NOL4: variants seen among roughly 807,000 people sequenced by gnomAD.
The protein encoded by NOL4 is nucleolar protein 4.
NOL4 carries 17 observed loss-of-function variants against 75.9 expected under a neutral mutation model. The ratio of observed to expected loss-of-function variants is 0.22; its 90% CI spans 0.15 to 0.34. NOL4 has a LOEUF of 0.34. Ranked by LOEUF, NOL4 falls within the 10% of genes least tolerant of loss-of-function variation. The pLI, the probability that NOL4 is intolerant of heterozygous loss-of-function variation, is 1.00. For missense variants in NOL4, 614 were observed against 793.5 expected, an observed-to-expected ratio of 0.77 and a Z score of 2.72; for synonymous variants, 292 against 289.9, an observed-to-expected ratio of 1.01 and a Z score of -0.07.
intron 1 of NOL4, among the ~76,000 whole-genome samples, chr18:34,206,505 T>TA (rs1490365560): frequency 2.0e-5 from 3 of 152,112 alleles, no homozygotes; most frequent in Admixed American, 6.5e-5. Flanking sequence ...ACCTGTTTTC[T>TA]AAAAAAATGT....
intron 1 of NOL4, among the ~76,000 whole-genome samples, chr18:34,196,574 G>A (rs1480668190): frequency 6.6e-6 from 1 of 152,044 alleles, no homozygotes; most frequent in African/African-American, 2.4e-5. Flanking sequence ...GGGATTTGGG[G>A]GCCCTCAAGC....
chr18:34,147,823 T>C (rs745873378), intron 1 of NOL4, among the ~76,000 whole-genome samples: 8 of 152,106 alleles, frequency 5.3e-5, no homozygotes, highest in Non-Finnish European at 8.8e-5. Context: ...CTGGAAGAAT[T>C]TGGCTGTGAA....
At chr18:34,196,038 C>T (rs1422025157) in intron 1 of NOL4, among the ~76,000 whole-genome samples, 8 of 152,124 alleles carry the variant, frequency 5.3e-5, no homozygotes, top group Middle Eastern at 6.8e-3. Flanking sequence ...TAATAAATCT[C>T]ATTTTCTGAC....
chr18:33,909,543 A>C (rs948906308), intron 9 of NOL4, among the ~76,000 whole-genome samples: 1 of 152,144 alleles, frequency 6.6e-6, no homozygotes, highest in Non-Finnish European at 1.5e-5. Context: ...TCCTGATCTT[A>C]ATTAATGATG....
At chr18:34,211,582 T>C (rs1417473653) in intron 1 of NOL4, among the ~76,000 whole-genome samples, 1 of 152,210 alleles carries the variant, frequency 6.6e-6, no homozygotes, top group African/African-American at 2.4e-5. Context: ...TGAGAACCAA[T>C]AAGGTTGTTC....
chr18:34,187,540 C>A (rs1600829241), intron 1 of NOL4, among the ~76,000 whole-genome samples: 1 of 152,050 alleles, frequency 6.6e-6, no homozygotes, highest in Non-Finnish European at 1.5e-5. Context: ...GCGCCCGCCA[C>A]CACACTCGGC....
chr18:33,868,203 C>T (rs1362442056), intron 10 of NOL4, among the ~76,000 whole-genome samples: 2 of 147,640 alleles, frequency 1.4e-5, no homozygotes, highest in Non-Finnish European at 3.0e-5. Flanking sequence ...CACCTGGGCA[C>T]CTGGGTAATT....
At chr18:34,128,965 G>T in intron 2 of NOL4, 2 of 431,822 alleles carry the variant, frequency 4.6e-6, no homozygotes, top group Non-Finnish European at 6.2e-6. Context: ...GTAGCCAAAA[G>T]CAAAATTCAA....
Position 33,945,755 on chromosome 18 carries a change from G to A in NOL4, c.1429-2577C>T, listed in dbSNP as rs529339845. On this transcript the variant is annotated intron_variant, in intron 8 of 10. Coordinates refer to ENST00000261592, the MANE Select transcript of NOL4 (RefSeq NM_003787.5). ...AAAGATGCATGATTCAATACTTCCC[G>A]TAGATAAACAGTATAATTTTGAAAA... 5.3e-4 allele frequency among the ~76,000 whole-genome samples: 81 copies of A among 151,820 alleles called. No individual in the cohort carries two copies. In the South Asian group the frequency reaches 0.012, roughly 23 times the overall value.
intron 10 of NOL4, among the ~76,000 whole-genome samples, chr18:33,879,932 T>C (rs992274413): frequency 3.3e-5 from 5 of 152,094 alleles, no homozygotes; most frequent in African/African-American, 1.2e-4. Flanking sequence ...TTTCTATTAA[T>C]ATATACTGTC....
rs527772114 is a variant in NOL4, at chr18:34,060,293, T to G, written c.772+33172A>C. Among the ~76,000 whole-genome samples, 341 of 152,312 alleles carry G rather than the reference T, an allele frequency of 2.2e-3. 1 individual carries two copies. The highest frequency in any genetic ancestry group is 7.8e-3 in the African/African-American group (324 of 41,576). On this transcript the variant is annotated intron_variant, in intron 5 of 10. Coordinates refer to ENST00000261592, the MANE Select transcript of NOL4 (RefSeq NM_003787.5). ...CTGATTGAATTAATAAATTTAATTA[T>G]TCTCCATTTGAATATGTAAACACAG... is the stretch of plus-strand genomic sequence containing the variant.
chr18:34,014,624 T>C (rs976027706), intron 6 of NOL4, among the ~76,000 whole-genome samples: 1 of 151,948 alleles, frequency 6.6e-6, no homozygotes, highest in African/African-American at 2.4e-5. Context: ...CCCTTAACAC[T>C]TCCTCATGGG....
intron 6 of NOL4, among the ~76,000 whole-genome samples, chr18:34,012,639 G>A (rs557151502): frequency 2.8e-4 from 43 of 151,870 alleles, no homozygotes; most frequent in Admixed American, 8.6e-4. Flanking sequence ...ATTCAATTAC[G>A]CATTCATTTA....
At chr18:33,897,775 A>G (rs1269742645) in intron 9 of NOL4, among the ~76,000 whole-genome samples, 1 of 152,104 alleles carries the variant, frequency 6.6e-6, no homozygotes, top group African/African-American at 2.4e-5. Flanking sequence ...TTAAAAAATA[A>G]TTTCTTCTAA....
At chr18:34,082,601 G>T (rs1219633948) in intron 5 of NOL4, among the ~76,000 whole-genome samples, 1 of 152,098 alleles carries the variant, frequency 6.6e-6, no homozygotes, top group Non-Finnish European at 1.5e-5. Flanking sequence ...CAATATTTTA[G>T]ATAAACAAAC....
intron 6 of NOL4, among the ~76,000 whole-genome samples, chr18:33,986,102 C>T (rs1282798240): frequency 6.6e-6 from 1 of 152,042 alleles, no homozygotes; most frequent in African/African-American, 2.4e-5. Flanking sequence ...AGCAAGTGTG[C>T]CTGATACGAA....
chr18:33,986,999 T>C (rs1435602360), intron 6 of NOL4, among the ~76,000 whole-genome samples: 1 of 152,010 alleles, frequency 6.6e-6, no homozygotes, highest in Non-Finnish European at 1.5e-5. Context: ...AGGTTAGTGA[T>C]TGTCAGTGGG....
At chr18:34,035,946 C>A (rs538544277) in intron 5 of NOL4, among the ~76,000 whole-genome samples, 1 of 152,004 alleles carries the variant, frequency 6.6e-6, no homozygotes, top group Non-Finnish European at 1.5e-5. Context: ...AAAACCTGAA[C>A]AGACCAGTAA....
At chr18:34,014,284 A>T (rs2074554865) in intron 6 of NOL4, among the ~76,000 whole-genome samples, 3 of 151,974 alleles carry the variant, frequency 2.0e-5, no homozygotes, top group African/African-American at 7.2e-5. Flanking sequence ...TAAAGTGAAG[A>T]TTTAGGGGTC....
Sources: allele counts gnomAD v4.1 joint callset (sites outside exome capture counted in the v4.1 genomes callset), GRCh38; gene constraint gnomAD v4.1.1; transcripts MANE v1.5; gene names NCBI Gene and HGNC (gene_info 2026-07-23, HGNC 2026-07-21).